The following FAM177B variants were observed in gnomAD, a reference collection of about 807,000 sequenced individuals.
FAM177B encodes protein FAM177B.
Under a neutral mutation model 16.1 loss-of-function variants are expected in FAM177B, and 16 were observed. The ratio of observed to expected loss-of-function variants is 0.99; its 90% CI spans 0.67 to 1.51. The LOEUF is 1.51. Among genes scored for constraint, FAM177B ranks in the 40% most tolerant of loss-of-function variants. FAM177B has a pLI of 0.00. For synonymous variants in FAM177B, 56 were observed against 59.9 expected (o/e 0.93, Z 0.30); for missense variants, 178 against 183.7 (o/e 0.97, Z 0.18).
intron 2 of FAM177B, among the ~76,000 whole-genome samples, chr1:222,739,030 A>G (rs951627863): frequency 6.6e-6 from 1 of 152,174 alleles, no homozygotes; most frequent in African/African-American, 2.4e-5. Flanking sequence ...ATAAAGAACG[A>G]AGACTGGTAT....
At chr1:222,740,405 GT>G (rs1658468658) in intron 2 of FAM177B, among the ~76,000 whole-genome samples, 1 of 152,034 alleles carries the variant, frequency 6.6e-6, no homozygotes, top group African/African-American at 2.4e-5. Context: ...CTAATATTTT[GT>G]TTAGTGTTTC....
chr1:222,746,886 G>T (rs1658823164), intron 3 of FAM177B, 129 bp from the exon 4 acceptor site: 2 of 894,162 alleles, frequency 2.2e-6, no homozygotes, highest in Non-Finnish European at 3.5e-6. Flanking sequence ...TAATCATCTT[G>T]GTCTCTTCAT....
intron 2 of FAM177B, among the ~76,000 whole-genome samples, chr1:222,745,186 T>C (rs1055364045): frequency 1.3e-5 from 2 of 152,220 alleles, no homozygotes; most frequent in South Asian, 2.1e-4. Context: ...TGGATGGACA[T>C]TGAGTTGACT....
At chr1:222,747,150 G>A (rs1187118481) in intron 4 of FAM177B, 69 bp downstream of exon 4, 2 of 1,054,388 alleles carry the variant, frequency 1.9e-6, no homozygotes, top group African/African-American at 1.6e-5. Context: ...CTCAGAGTAT[G>A]TGGGACTTCC....
At chr1:222,749,841 A>G (rs147644388) in intron 5 of FAM177B, 80 bp from the exon 6 acceptor site, 19 of 1,419,608 alleles carry the variant, frequency 1.3e-5, no homozygotes, top group Admixed American at 5.4e-5. Flanking sequence ...AGCTTCTTAC[A>G]TGGGCATTAT....
intron 4 of FAM177B, among the ~76,000 whole-genome samples, chr1:222,748,608 T>A (rs1222196151): frequency 1.3e-5 from 2 of 152,220 alleles, no homozygotes; most frequent in Admixed American, 1.3e-4. Flanking sequence ...TTTTTCAATT[T>A]AAAATTCTAG....
At chr1:222,743,217 G>A (rs1036423319) in intron 2 of FAM177B, among the ~76,000 whole-genome samples, 2 of 152,004 alleles carry the variant, frequency 1.3e-5, no homozygotes, top group Admixed American at 6.6e-5. Context: ...GCATGATCTC[G>A]GCTCACTGCA....
chr1:222,749,365 A>G, intron 4 of FAM177B, 100 bp from the exon 5 acceptor site: 1 of 661,228 alleles, frequency 1.5e-6, no homozygotes, highest in Non-Finnish European at 2.7e-6. Flanking sequence ...ATAGACCACT[A>G]TTACTATACT....
chr1:222,739,458 C>G (rs763706461), intron 2 of FAM177B, among the ~76,000 whole-genome samples: 8 of 152,136 alleles, frequency 5.3e-5, no homozygotes, highest in Non-Finnish European at 7.3e-5. Context: ...ACCTGGGCAG[C>G]TTCAAAATAT....
rs1448448275 is a variant in FAM177B, at chr1:222,737,340, A to C, written c.-134+18A>C. On this transcript the variant is annotated intron_variant, in intron 1 of 5. Transcript: ENST00000445590. ...CAGTGTTGGTAAGTGCTAAGGAGAA[A>C]AAATGAAACAGGAGGTAAGATGCAG... 1.3e-5 allele frequency: 2 copies of C among 152,546 alleles called. No individual in the cohort carries two copies. Among genetic ancestry groups the C allele is most frequent in the African/African-American group, 4.8e-5 (2 of 41,482 alleles). 9.4% of individuals were successfully genotyped at this position (152,546 alleles called of 1,614,324 possible).
chr1:222,745,530 T>G (rs902480830), intron 2 of FAM177B, among the ~76,000 whole-genome samples: 1 of 152,160 alleles, frequency 6.6e-6, no homozygotes, highest in Non-Finnish European at 1.5e-5. Flanking sequence ...GGCGGGAAGA[T>G]TGCTTAAGCC....
chr1:222,745,050 G>A (rs1192504613), intron 2 of FAM177B, among the ~76,000 whole-genome samples: 1 of 152,052 alleles, frequency 6.6e-6, no homozygotes, highest in Non-Finnish European at 1.5e-5. Flanking sequence ...GCAGTGTCTG[G>A]CTTCTTTTGC....
chr1:222,749,700 C>G (rs1450421331), intron 5 of FAM177B, 138 bp downstream of exon 5: 3 of 739,628 alleles, frequency 4.1e-6, no homozygotes, highest in Admixed American at 5.0e-5. Flanking sequence ...GTCAGACTGA[C>G]TTATTTTTCT....
chr1:222,741,782 CTTTT>C (rs1223382045), intron 2 of FAM177B, among the ~76,000 whole-genome samples: 5 of 124,382 alleles, frequency 4.0e-5, no homozygotes, highest in African/African-American at 1.5e-4. Context: ...TCCTTTCTTT[CTTTT>C]TCTTTCTTTC....
At chr1:222,749,872 A>T (rs772579560) in intron 5 of FAM177B, 49 bp from the exon 6 acceptor site, 1 of 1,595,822 alleles carries the variant, frequency 6.3e-7, no homozygotes, top group Non-Finnish European at 8.6e-7. Flanking sequence ...GGGAGTTCAG[A>T]GGTCTTTGTT....
Position 222,746,603 on chromosome 1 carries a change from A to C in FAM177B, c.58A>C (p.Thr20Pro), listed in dbSNP as rs1415226291. Residue 20 changes from threonine (T) to proline (P), a missense_variant, in exon 3 of 6, where the codon ACT (threonine) becomes CCT (proline). Physicochemically the swap from Thr to Pro is conservative, Grantham distance 38. Coordinates refer to ENST00000445590, the MANE Select transcript of FAM177B (RefSeq NM_001394345.1). Reference protein sequence around the residue: ...DLEKSVPSKKTTPKRIIHFVD... With the variant: ...DLEKSVPSKKPTPKRIIHFVD... Reference sequence around the variant, plus strand: ...AGAGAAGAGTGTACCTTCCAAAAAGACTACTCCTAAAAGGATTATCCATTT... The same window carrying C: ...AGAGAAGAGTGTACCTTCCAAAAAGCCTACTCCTAAAAGGATTATCCATTT... The C allele has an allele frequency of 2.5e-6, 4 of 1,611,050 alleles. No homozygotes were observed. The African/African-American group carries it at 5.3e-5, about 22-fold the overall frequency.
chr1:222,747,440 C>A (rs1177804683), intron 4 of FAM177B: 1 of 183,404 alleles, frequency 5.5e-6, no homozygotes, highest in African/African-American at 2.4e-5. Flanking sequence ...TCTGAATAAA[C>A]TTCCAAGTTA....
At chr1:222,748,808 T>C (rs1053425556) in intron 4 of FAM177B, among the ~76,000 whole-genome samples, 16 of 152,312 alleles carry the variant, frequency 1.1e-4, no homozygotes, top group African/African-American at 3.4e-4. Context: ...AGAGGTAGAA[T>C]GAGTCAGAGG....
In FAM177B at chr1:222,738,786, G is replaced by C. The variant is rs1488697479; in HGVS notation, c.-16+765G>C. Among the ~76,000 whole-genome samples, 3 of 152,190 alleles carry C rather than the reference G, an allele frequency of 2.0e-5. No individual in the cohort carries two copies. The East Asian group carries it at 5.8e-4, about 29-fold the overall frequency. On this transcript the variant is annotated intron_variant, in intron 2 of 5. Coordinates refer to ENST00000445590, the MANE Select transcript of FAM177B (RefSeq NM_001394345.1). ...TTTGTAAATAAGTTGATTCCAAACT[G>C]TTCACTATTGAGACCCCTCTGTGTG... is the stretch of plus-strand genomic sequence containing the variant.
Sources: gnomAD v4.1 joint callset for allele counts (sites outside exome capture counted in the v4.1 genomes callset) on GRCh38, gnomAD v4.1.1 for gene constraint, MANE v1.5 for transcripts, NCBI Gene and HGNC (gene_info 2026-07-23, HGNC 2026-07-21) for gene names.